Variants in PACSIN2 observed in about 807,000 individuals in gnomAD.
The protein encoded by PACSIN2 is protein kinase C and casein kinase substrate in neurons 2.
Under a neutral mutation model 63.8 loss-of-function variants are expected in PACSIN2, and 25 were observed. The observed-to-expected ratio is 0.39, with a 90% CI of 0.29 to 0.55. The LOEUF (loss-of-function observed/expected upper bound fraction) is 0.55, where lower values mean the gene tolerates loss of function less well. Ranked by LOEUF, PACSIN2 falls within the 20% of genes least tolerant of loss-of-function variation. The probability of loss-of-function intolerance (pLI) is 0.62; values close to 1 mark genes in which losing one functional copy is unlikely to be tolerated. For missense variants in PACSIN2, 518 were observed against 646.9 expected (o/e 0.80, Z 2.16); for synonymous variants, 255 against 256.2 (o/e 1.00, Z 0.05).
Position 42,888,726 on chromosome 22 carries a change from T to C in PACSIN2, c.526A>G (p.Ser176Gly). The change falls in exon 5 of 11, where the codon AGC becomes GGC. Residue 176 changes from serine to glycine, a missense_variant. Ser to Gly is a moderately conservative substitution (Grantham distance 56). Transcript: ENST00000263246. Reference sequence around the variant, plus strand: ...GGGTTGAGGGATGGGTCTGCCTTGCTGTTGGCTTCTCGTGAGATAGCCAGC... The same window carrying C: ...GGGTTGAGGGATGGGTCTGCCTTGCCGTTGGCTTCTCGTGAGATAGCCAGC... ...EKLAISREAN[S>G]KADPSLNPEQ... The C allele has an allele frequency of 6.2e-7, 1 of 1,614,240 alleles. No individual in the cohort carries two copies. Among genetic ancestry groups the C allele is most frequent in the South Asian group, 1.1e-5 (1 of 91,090 alleles).
intron 1 of PACSIN2, among the ~76,000 whole-genome samples, chr22:42,940,265 G>T (rs1933093085): frequency 6.6e-6 from 1 of 152,218 alleles, no homozygotes; most frequent in African/African-American, 2.4e-5. Flanking sequence ...ACCAAAAATA[G>T]ATTTTTCTAT....
chr22:43,009,285 T>C (rs1013073689), intron 1 of PACSIN2, among the ~76,000 whole-genome samples: 2 of 152,202 alleles, frequency 1.3e-5, no homozygotes, highest in Non-Finnish European at 2.9e-5. Context: ...GAATATCTAT[T>C]GCCACCTGTA....
intron 6 of PACSIN2, 70 bp from the exon 7 acceptor site, chr22:42,882,374 A>T: frequency 6.6e-7 from 1 of 1,525,150 alleles, no homozygotes; most frequent in East Asian, 2.3e-5. Context: ...GCCCAGTGCC[A>T]GCCACAGCAG....
intron 1 of PACSIN2, among the ~76,000 whole-genome samples, chr22:42,942,496 AT>A (rs932756353): frequency 1.2e-4 from 19 of 152,128 alleles, no homozygotes; most frequent in African/African-American, 4.1e-4. Context: ...ATTATGACTA[AT>A]TTTTTTAAAC....
chr22:42,921,825 G>C (rs575868059), intron 1 of PACSIN2, among the ~76,000 whole-genome samples: 1 of 151,178 alleles, frequency 6.6e-6, no homozygotes, highest in Admixed American at 6.6e-5. Context: ...TGCAACCTCC[G>C]TCTCCCGGGT....
At chr22:42,934,166 T>C (rs1341398798) in intron 1 of PACSIN2, among the ~76,000 whole-genome samples, 1 of 152,242 alleles carries the variant, frequency 6.6e-6, no homozygotes, top group Non-Finnish European at 1.5e-5. Context: ...TTATATGTTT[T>C]AGAGTTGAGA....
intron 1 of PACSIN2, among the ~76,000 whole-genome samples, chr22:42,955,320 C>A (rs979321854): frequency 7.9e-5 from 12 of 152,002 alleles, no homozygotes; most frequent in Admixed American, 2.6e-4. Flanking sequence ...AACGAACGAA[C>A]GAAAAAACAA....
At chr22:42,927,394 G>A (rs1393297523) in intron 1 of PACSIN2, among the ~76,000 whole-genome samples, 2 of 151,070 alleles carry the variant, frequency 1.3e-5, no homozygotes, top group Admixed American at 6.6e-5. Flanking sequence ...ACAGGTGCCC[G>A]CCACCATGCC....
Position 42,876,959 on chromosome 22 carries a change from G to T in PACSIN2, c.1080C>A (p.Ser360Arg). 1 of 1,614,212 alleles carries T rather than the reference G, an allele frequency of 6.2e-7. No individual in the cohort carries two copies. Among genetic ancestry groups the T allele is most frequent in the Non-Finnish European group, 8.5e-7 (1 of 1,180,040 alleles). Residue 360 changes from serine (S) to arginine (R), a missense_variant, in exon 9 of 11, where the codon AGC (serine) becomes AGA (arginine). By Grantham distance (110) the Ser-to-Arg change is moderately radical. Transcript: ENST00000263246. Reference protein sequence around the residue: ...NPAQSAQSQSSYNPFEDEDDT... With the variant: ...NPAQSAQSQSRYNPFEDEDDT... ...CGTCCTCATCCTCGAAGGGGTTGTA[G>T]CTGGACTGTGACTGCGCAGACTGGG...
In PACSIN2 at chr22:42,882,407, T is replaced by A. The variant is rs574190430; in HGVS notation, c.786-103A>T. 1.5e-5 allele frequency: 20 copies of A among 1,354,142 alleles called. No individual in the cohort carries two copies. In the South Asian group the frequency reaches 2.6e-4, roughly 18 times the overall value. The allele number at this position is 1,354,142 out of a possible 1,614,324, so 83.9% of individuals were successfully genotyped here. The stretch of plus-strand genomic sequence containing the variant: ...CAGGTCCCGTGGTCTCTGCCCTCTG[T>A]GAGTTGGTTTCACAGACAGAGCCAG... On this transcript the variant is annotated intron_variant, in intron 6 of 10. Coordinates refer to ENST00000263246, the MANE Select transcript of PACSIN2 (RefSeq NM_001184970.3).
chr22:42,879,285 G>T (rs1027679788), intron 7 of PACSIN2, 116 bp from the exon 8 acceptor site: 42 of 1,108,710 alleles, frequency 3.8e-5, no homozygotes, highest in Non-Finnish European at 5.1e-5. Context: ...CTGATGTGTA[G>T]ACTCAGGGCC....
chr22:42,887,926 T>C (rs1929612430), intron 5 of PACSIN2, among the ~76,000 whole-genome samples: 1 of 152,082 alleles, frequency 6.6e-6, no homozygotes, highest in Non-Finnish European at 1.5e-5. Flanking sequence ...CTGCCACCCC[T>C]GGCTCCACAG....
intron 1 of PACSIN2, among the ~76,000 whole-genome samples, chr22:43,014,336 A>T (rs376571968): frequency 0.65 from 88,315 of 135,670 alleles, 29,074 homozygotes; most frequent in East Asian, 0.84. Flanking sequence ...ACACACACAC[A>T]CACACACACA....
chr22:42,971,210 C>T (rs1921235114), intron 1 of PACSIN2, among the ~76,000 whole-genome samples: 1 of 152,222 alleles, frequency 6.6e-6, no homozygotes. Flanking sequence ...CTCAGCCTGC[C>T]AAGCGCCTGG....
At chr22:42,932,959 T>C (rs1029875444) in intron 1 of PACSIN2, among the ~76,000 whole-genome samples, 2 of 152,232 alleles carry the variant, frequency 1.3e-5, no homozygotes, top group African/African-American at 4.8e-5. Context: ...GAACCAACTG[T>C]GTTAGGAGAC....
intron 1 of PACSIN2, among the ~76,000 whole-genome samples, chr22:42,973,939 A>G (rs1921503495): frequency 6.6e-6 from 1 of 152,218 alleles, no homozygotes; most frequent in Non-Finnish European, 1.5e-5. Context: ...CAAGAACAGA[A>G]GCGTAGCCTT....
In PACSIN2 at chr22:42,932,319, C is replaced by T. The variant is rs1601539945; in HGVS notation, c.-77-20162G>A. ...TTGGGGCATCCCTTAGAGAATCTAGCCACACCTCCCACCACCACCAACTCT... is the reference window on the plus strand; with the variant it reads ...TTGGGGCATCCCTTAGAGAATCTAGTCACACCTCCCACCACCACCAACTCT... On this transcript the variant is annotated intron_variant, in intron 1 of 10. Coordinates refer to ENST00000263246, the MANE Select transcript of PACSIN2 (RefSeq NM_001184970.3). 3.9e-5 allele frequency among the ~76,000 whole-genome samples: 6 copies of T among 152,296 alleles called. 2 individuals are homozygous for T. The highest frequency in any genetic ancestry group is 3.9e-4 in the Admixed American group (6 of 15,296).
At chr22:42,908,918 C>T (rs1005218913) in intron 2 of PACSIN2, among the ~76,000 whole-genome samples, 8 of 152,178 alleles carry the variant, frequency 5.3e-5, no homozygotes, top group African/African-American at 1.9e-4. Context: ...TGCTCTCATA[C>T]TCCATAAGCA....
rs142439621 is a variant in PACSIN2, at chr22:42,944,062, T to A, written c.-77-31905A>T. On this transcript the variant is annotated intron_variant, in intron 1 of 10. Transcript: ENST00000263246. ...GTTCTACCTGCTAAGCCAGACTGTGTTGGTAGTCCTGGCCACATCAGTAGT... is the reference window on the plus strand; with the variant it reads ...GTTCTACCTGCTAAGCCAGACTGTGATGGTAGTCCTGGCCACATCAGTAGT... Among the ~76,000 whole-genome samples the A allele has an allele frequency of 1.8e-3, 273 of 152,304 alleles. 2 individuals are homozygous for A. The highest frequency in any genetic ancestry group is 2.8e-3 in the Non-Finnish European group (191 of 68,020).
Sources: allele counts gnomAD v4.1 joint callset (sites outside exome capture counted in the v4.1 genomes callset), GRCh38; gene constraint gnomAD v4.1.1; transcripts MANE v1.5; gene names NCBI Gene and HGNC (gene_info 2026-07-23, HGNC 2026-07-21).